SH3GL2: variants seen among roughly 807,000 people sequenced by gnomAD.
The protein encoded by SH3GL2 is endophilin-A1.
SH3GL2 carries 24 observed loss-of-function variants against 46.0 expected under a neutral mutation model. The ratio of observed to expected loss-of-function variants is 0.52; its 90% CI spans 0.38 to 0.73. The LOEUF (loss-of-function observed/expected upper bound fraction) is 0.73. Ranked by LOEUF, SH3GL2 falls within the 30% of genes least tolerant of loss-of-function variation. The pLI is 0.00. For missense variants in SH3GL2, 413 were observed against 424.2 expected, an observed-to-expected ratio of 0.97 and a Z score of 0.23; for synonymous variants, 196 against 147.1, an observed-to-expected ratio of 1.33 and a Z score of -2.40.
intron 1 of SH3GL2, among the ~76,000 whole-genome samples, chr9:17,689,428 C>G (rs751405959): frequency 6.6e-6 from 1 of 152,028 alleles, no homozygotes; most frequent in Non-Finnish European, 1.5e-5. Flanking sequence ...TCAATATTGA[C>G]TCGTCAATTG....
intron 1 of SH3GL2, among the ~76,000 whole-genome samples, chr9:17,672,731 A>G (rs1045632094): frequency 6.6e-6 from 1 of 152,094 alleles, no homozygotes; most frequent in Non-Finnish European, 1.5e-5. Flanking sequence ...CCGTGTAAAT[A>G]ACTAACTTCT....
intron 1 of SH3GL2, among the ~76,000 whole-genome samples, chr9:17,646,108 T>G (rs1819810467): frequency 6.6e-6 from 1 of 151,998 alleles, no homozygotes; most frequent in Non-Finnish European, 1.5e-5. Context: ...TCTTCATGCT[T>G]TATTTTATTA....
intron 1 of SH3GL2, among the ~76,000 whole-genome samples, chr9:17,723,993 A>G (rs556059457): frequency 2.0e-5 from 3 of 152,204 alleles, no homozygotes; most frequent in African/African-American, 7.2e-5. Context: ...CTTGTAATTC[A>G]TTGAGCTTCT....
At chr9:17,682,008 A>G (rs1820782311) in intron 1 of SH3GL2, among the ~76,000 whole-genome samples, 1 of 152,202 alleles carries the variant, frequency 6.6e-6, no homozygotes, top group Non-Finnish European at 1.5e-5. Context: ...TCAAAACTGC[A>G]ATGAGATACC....
At chr9:17,633,507 T>C (rs1051710887) in intron 1 of SH3GL2, among the ~76,000 whole-genome samples, 14 of 152,228 alleles carry the variant, frequency 9.2e-5, no homozygotes, top group Admixed American at 9.2e-4. Flanking sequence ...AATATTAATA[T>C]AAGAAAGTGT....
At chr9:17,596,371 T>C (rs1588162965) in intron 1 of SH3GL2, among the ~76,000 whole-genome samples, 1 of 152,130 alleles carries the variant, frequency 6.6e-6, no homozygotes, top group East Asian at 1.9e-4. Flanking sequence ...CTAAGTCTTA[T>C]CCCTAGTGTC....
At chr9:17,693,999 T>A (rs1821146145) in intron 1 of SH3GL2, among the ~76,000 whole-genome samples, 1 of 152,230 alleles carries the variant, frequency 6.6e-6, no homozygotes, top group African/African-American at 2.4e-5. Flanking sequence ...TTTCCTACTT[T>A]CTTCCATGCC....
chr9:17,682,318 A>G (rs934855188), intron 1 of SH3GL2, among the ~76,000 whole-genome samples: 2 of 152,342 alleles, frequency 1.3e-5, no homozygotes, highest in Admixed American at 6.5e-5. Flanking sequence ...CCAAATGCCC[A>G]TCAGTGGTAG....
chr9:17,679,840 G>T (rs1043188089), intron 1 of SH3GL2, among the ~76,000 whole-genome samples: 14 of 152,182 alleles, frequency 9.2e-5, no homozygotes, highest in African/African-American at 2.4e-4. Flanking sequence ...TAGCATGAAG[G>T]GCTGTTGAAT....
intron 1 of SH3GL2, among the ~76,000 whole-genome samples, chr9:17,717,089 A>T (rs571278804): frequency 1.3e-5 from 2 of 152,192 alleles, no homozygotes; most frequent in East Asian, 3.9e-4. Flanking sequence ...ATTATGGTCC[A>T]GTGGGAACAG....
intron 2 of SH3GL2, among the ~76,000 whole-genome samples, chr9:17,752,582 C>G (rs1462904256): frequency 6.6e-6 from 1 of 152,100 alleles, no homozygotes; most frequent in African/African-American, 2.4e-5. Context: ...ACTATCACCT[C>G]AAACTTCTGG....
intron 1 of SH3GL2, among the ~76,000 whole-genome samples, chr9:17,605,223 C>T (rs1340607649): frequency 2.0e-5 from 3 of 152,072 alleles, no homozygotes; most frequent in Admixed American, 6.5e-5. Flanking sequence ...AAATGATCCT[C>T]TTGTCTTGGC....
intron 1 of SH3GL2, among the ~76,000 whole-genome samples, chr9:17,692,338 C>T (rs1354461917): frequency 6.6e-6 from 1 of 151,308 alleles, no homozygotes; most frequent in African/African-American, 2.4e-5. Context: ...ATTACATGTG[C>T]TTGCTTGTAA....
intron 1 of SH3GL2, among the ~76,000 whole-genome samples, chr9:17,583,990 A>T (rs2134535399): frequency 6.6e-6 from 1 of 152,278 alleles, no homozygotes; most frequent in East Asian, 1.9e-4. Flanking sequence ...TGCTGCCTTT[A>T]AAATCTTGGC....
intron 1 of SH3GL2, among the ~76,000 whole-genome samples, chr9:17,606,410 G>A (rs572017494): frequency 1.3e-5 from 2 of 152,146 alleles, no homozygotes; most frequent in East Asian, 3.9e-4. Context: ...AACTCCCAAG[G>A]CCAATTAAAC....
intron 3 of SH3GL2, among the ~76,000 whole-genome samples, chr9:17,766,275 C>G (rs1823315582): frequency 6.6e-6 from 1 of 152,198 alleles, no homozygotes; most frequent in Non-Finnish European, 1.5e-5. Flanking sequence ...GAACGCAGGA[C>G]AGACAGCTGT....
chr9:17,765,716 A>G (rs1823299924), intron 3 of SH3GL2, among the ~76,000 whole-genome samples: 1 of 152,202 alleles, frequency 6.6e-6, no homozygotes, highest in African/African-American at 2.4e-5. Flanking sequence ...CAACCACATT[A>G]GGTTCCCCTG....
intron 1 of SH3GL2, among the ~76,000 whole-genome samples, chr9:17,643,450 G>C (rs954906468): frequency 6.6e-6 from 1 of 151,492 alleles, no homozygotes; most frequent in Non-Finnish European, 1.5e-5. Context: ...ATGTTGAATA[G>C]GAGTTTTCAA....
At chr9:17,743,167 A>G (rs1430494762) in intron 1 of SH3GL2, among the ~76,000 whole-genome samples, 1 of 152,222 alleles carries the variant, frequency 6.6e-6, no homozygotes, top group Non-Finnish European at 1.5e-5. Context: ...TTTTAATAAC[A>G]TTTAAAGAAA....
Sources: gnomAD v4.1 joint callset for allele counts (sites outside exome capture counted in the v4.1 genomes callset) on GRCh38, gnomAD v4.1.1 for gene constraint, MANE v1.5 for transcripts, NCBI Gene and HGNC (gene_info 2026-07-23, HGNC 2026-07-21) for gene names.